ERBIN: variants seen among roughly 807,000 people sequenced by gnomAD.
ERBIN encodes densin-180-like protein.
Under a neutral mutation model 158.4 loss-of-function variants are expected in ERBIN, and 60 were observed. The observed-to-expected ratio is 0.38, with a 90% CI of 0.31 to 0.47. The LOEUF is 0.47. Among genes scored for constraint, ERBIN ranks in the 20% least tolerant of loss-of-function variants. The pLI, the probability that ERBIN is intolerant of heterozygous loss-of-function variation, is 0.99. For synonymous variants in ERBIN, 594 were observed against 557.2 expected (o/e 1.07, Z -0.93); for missense variants, 1,610 against 1,648.0 (o/e 0.98, Z 0.40).
At chr5:65,996,104 T>C (rs182363275) in intron 4 of ERBIN, among the ~76,000 whole-genome samples, 1 of 152,170 alleles carries the variant, frequency 6.6e-6, no homozygotes, top group Non-Finnish European at 1.5e-5. Context: ...AGCTGCTGTT[T>C]TGTGTGGTGT....
intron 15 of ERBIN, among the ~76,000 whole-genome samples, chr5:66,041,225 T>C (rs1313451418): frequency 1.3e-5 from 2 of 151,988 alleles, no homozygotes; most frequent in Non-Finnish European, 2.9e-5. Flanking sequence ...TTACCAGCAA[T>C]AATAAGGAAT....
intron 1 of ERBIN, among the ~76,000 whole-genome samples, chr5:65,928,678 T>C (rs1742985573): frequency 6.6e-6 from 1 of 152,302 alleles, no homozygotes; most frequent in East Asian, 1.9e-4. Flanking sequence ...TGAAGTGAGG[T>C]GTTCACCTTT....
chr5:66,013,098 A>G (rs1316978830), intron 5 of ERBIN, among the ~76,000 whole-genome samples: 1 of 152,182 alleles, frequency 6.6e-6, no homozygotes, highest in Non-Finnish European at 1.5e-5. Context: ...TCAGTGTTGT[A>G]GCTAAACATC....
intron 18 of ERBIN, among the ~76,000 whole-genome samples, chr5:66,047,027 T>G (rs1210006934): frequency 6.6e-6 from 1 of 152,102 alleles, no homozygotes; most frequent in Non-Finnish European, 1.5e-5. Flanking sequence ...TTCAGTGGCC[T>G]TTAGTATATT....
chr5:66,078,414 C>T lies in ERBIN; in HGVS notation c.4132-9C>T, dbSNP rs74568321. On this transcript the variant is annotated splice_polypyrimidine_tract_variant and intron_variant, in intron 25 of 25. Transcript: ENST00000284037. ...AATGTTTTTCCTAAAAGCATTTTTC[C>T]TCTTCTAGGCTAATGGCTACAGTTT... 658 of 1,526,766 alleles carry T rather than the reference C, an allele frequency of 4.3e-4. 4 individuals are homozygous for T. In the African/African-American group the frequency reaches 7.9e-3, roughly 18 times the overall value. 94.6% of individuals were successfully genotyped at this position (1,526,766 alleles called of 1,614,324 possible). A position where few individuals can be genotyped will look rare whatever the true frequency, so the allele number is the denominator to read the frequency against.
At chr5:65,984,052 C>CA (rs1317326479) in intron 1 of ERBIN, among the ~76,000 whole-genome samples, 1 of 151,248 alleles carries the variant, frequency 6.6e-6, no homozygotes, top group Non-Finnish European at 1.5e-5. Flanking sequence ...GAGGAGGTAT[C>CA]AAGCAGCAAA....
At position 66,081,412 on chromosome 5, in the gene ERBIN, T is replaced by A. The variant is rs546275592; in HGVS notation, c.*2882T>A. The A allele has an allele frequency of 8.5e-5, 13 of 152,168 alleles. No individual in the cohort carries two copies. The South Asian group carries it at 2.7e-3, about 32-fold the overall frequency. 9.4% of individuals were successfully genotyped at this position (152,168 alleles called of 1,614,324 possible). A position where few individuals can be genotyped will look rare whatever the true frequency, so the allele number is the denominator to read the frequency against. The stretch of plus-strand genomic sequence containing the variant: ...AACTTGCCATAAGCAGAACCAAACT[T>A]TTAAGTATTAATTTGCTGCACTTAA... On this transcript the variant is annotated 3_prime_UTR_variant, in exon 26 of 26. Transcript: ENST00000284037.
At chr5:66,051,834 G>A (rs781045676) in intron 20 of ERBIN, among the ~76,000 whole-genome samples, 7 of 150,572 alleles carry the variant, frequency 4.6e-5, no homozygotes, top group Non-Finnish European at 8.8e-5. Context: ...GGCGGAAGTT[G>A]CAGTGAGCTG....
At chr5:66,030,367 A>G (rs919276960) in intron 14 of ERBIN, among the ~76,000 whole-genome samples, 3 of 151,958 alleles carry the variant, frequency 2.0e-5, no homozygotes, top group African/African-American at 7.2e-5. Context: ...AACACAGGCA[A>G]TTACCGTATC....
At chr5:66,018,454 T>TTATATATTA (rs1554058715) in intron 7 of ERBIN, among the ~76,000 whole-genome samples, 1 of 21,976 alleles carries the variant, frequency 4.6e-5, no homozygotes, top group Non-Finnish European at 8.5e-5. Flanking sequence ...ATAATATATA[T>TTATATATTA]TATATTATAT....
At chr5:65,964,908 T>TTGTGTATGTGTGTGTG (rs1748368958) in intron 1 of ERBIN, among the ~76,000 whole-genome samples, 1 of 107,260 alleles carries the variant, frequency 9.3e-6, no homozygotes, top group African/African-American at 4.0e-5. Context: ...CCTGGCTGAT[T>TTGTGTATGTGTGTGTG]TGTGTGTGTG....
intron 8 of ERBIN, among the ~76,000 whole-genome samples, chr5:66,022,069 AATG>A (rs1412278334): frequency 6.6e-6 from 1 of 152,096 alleles, no homozygotes; most frequent in East Asian, 1.9e-4. Context: ...GTAGCTCTCA[AATG>A]ATGGTTTTAA....
chr5:66,062,476 C>T (rs1580511619), intron 21 of ERBIN, among the ~76,000 whole-genome samples: 1 of 152,092 alleles, frequency 6.6e-6, no homozygotes. Flanking sequence ...ACTTCTTTGC[C>T]ATTGGTTTGA....
At position 65,941,667 on chromosome 5, in the gene ERBIN, G is replaced by A. The variant is rs200133104; in HGVS notation, c.-58+14861G>A. ...CATGTAAATGTGTGACAAGGAAAAG[G>A]ATCTTTGTCACTACTTATACCCTAA... is the stretch of plus-strand genomic sequence containing the variant. On this transcript the variant is annotated intron_variant, in intron 1 of 25. Coordinates refer to ENST00000284037, the MANE Select transcript of ERBIN (RefSeq NM_001253697.2). Among the ~76,000 whole-genome samples the A allele has an allele frequency of 1.1e-4, 17 of 152,246 alleles. No individual in the cohort carries two copies. In the East Asian group the frequency reaches 2.7e-3, roughly 24 times the overall value.
Position 66,048,761 on chromosome 5 carries a change from C to T in ERBIN, c.1883C>T (p.Ala628Val), listed in dbSNP as rs142201440. The change falls in exon 19 of 26, where the codon GCA (alanine) becomes GTA (valine). Residue 628 changes from alanine (A) to valine (V), a missense_variant. Coordinates refer to ENST00000284037, the MANE Select transcript of ERBIN (RefSeq NM_001253697.2). ...TCTATTAACCAGCCAAAAGTCGTAG[C>T]ACTTAGTAATAACAAAAAAGGTTAG... is the stretch of plus-strand genomic sequence containing the variant. ...ETSINQPKVVALSNNKKDDTK... is the reference protein window; with the variant it reads ...ETSINQPKVVVLSNNKKDDTK... 20 of 1,595,956 alleles carry T rather than the reference C, an allele frequency of 1.3e-5. No individual in the cohort carries two copies. The African/African-American group carries it at 2.6e-4, about 20-fold the overall frequency.
chr5:66,080,535 T>A lies in ERBIN; in HGVS notation c.*2005T>A, dbSNP rs1379100806. The A allele has an allele frequency of 6.6e-6, 1 of 152,178 alleles. No individual in the cohort carries two copies. The highest frequency in any genetic ancestry group is 1.9e-4 in the East Asian group (1 of 5,190). The allele number at this position is 152,178 out of a possible 1,614,324, so 9.4% of individuals were successfully genotyped here. On this transcript the variant is annotated 3_prime_UTR_variant, in exon 26 of 26. Coordinates refer to ENST00000284037, the MANE Select transcript of ERBIN (RefSeq NM_001253697.2). ...AAGACAAGTCTCGGTGTTCCCTTTA[T>A]TCTTAGTTTGTTTTTAAATATTAAT...
At chr5:65,973,790 A>G (rs251325) in intron 1 of ERBIN, among the ~76,000 whole-genome samples, 112,964 of 151,098 alleles carry the variant, frequency 0.75, 44,245 homozygotes, top group Non-Finnish European at 0.86. Flanking sequence ...CAAATTGGGA[A>G]TAGATTAAGG....
chr5:66,030,957 G>T (rs1019562632), intron 14 of ERBIN, among the ~76,000 whole-genome samples: 4 of 152,112 alleles, frequency 2.6e-5, no homozygotes, highest in Non-Finnish European at 5.9e-5. Flanking sequence ...ATCTGCTACG[G>T]TTTCTTCATA....
chr5:66,042,904 A>C (rs566938536), intron 15 of ERBIN, among the ~76,000 whole-genome samples, 173 bp from the exon 16 acceptor site: 1 of 152,280 alleles, frequency 6.6e-6, no homozygotes, highest in African/African-American at 2.4e-5. Flanking sequence ...TCTTACATGG[A>C]CATTATAAAG....
Sources: allele counts gnomAD v4.1 joint callset (sites outside exome capture counted in the v4.1 genomes callset), GRCh38; gene constraint gnomAD v4.1.1; transcripts MANE v1.5; gene names NCBI Gene and HGNC (gene_info 2026-07-23, HGNC 2026-07-21).